The following ZFHX4 variants were observed in gnomAD, a reference collection of about 807,000 sequenced individuals.
ZFHX4 encodes zinc finger homeobox protein 4.
In ZFHX4, 56 loss-of-function variants were observed where a neutral mutation model predicts 267.6. The ratio of observed to expected loss-of-function variants is 0.21; its 90% confidence interval spans 0.17 to 0.26. ZFHX4 has a LOEUF of 0.26. Ranked by LOEUF, ZFHX4 falls within the 10% of genes least tolerant of loss-of-function variation. The pLI is 1.00. For synonymous variants in ZFHX4, 1,778 were observed against 1,665.6 expected, an observed-to-expected ratio of 1.07 and a Z score of -1.64; for missense variants, 4,332 against 4,420.0, an observed-to-expected ratio of 0.98 and a Z score of 0.56.
At chr8:76,700,017 C>T (rs1036779871) in intron 1 of ZFHX4, among the ~76,000 whole-genome samples, 7 of 152,068 alleles carry the variant, frequency 4.6e-5, no homozygotes, top group African/African-American at 1.4e-4. Context: ...TTGTCTTTGC[C>T]TAACTCACTA....
intron 3 of ZFHX4, 24 bp from the exon 4 acceptor site, chr8:76,778,184 T>A: frequency 6.6e-7 from 1 of 1,509,740 alleles, no homozygotes; most frequent in Non-Finnish European, 9.2e-7. Flanking sequence ...ACCATTGTTC[T>A]AATGAGCCTT....
chr8:76,721,044 G>A (rs898494137), intron 3 of ZFHX4, among the ~76,000 whole-genome samples: 2 of 152,114 alleles, frequency 1.3e-5, no homozygotes, highest in African/African-American at 4.8e-5. Flanking sequence ...TGTGGCAGAA[G>A]GGGATGGGAA....
intron 4 of ZFHX4, among the ~76,000 whole-genome samples, chr8:76,801,609 G>A (rs1246189867): frequency 6.6e-6 from 1 of 152,116 alleles, no homozygotes; most frequent in Non-Finnish European, 1.5e-5. Context: ...ATATGGGCCA[G>A]CTTCATTTTC....
chr8:76,688,783 A>C (rs950196820), intron 1 of ZFHX4, among the ~76,000 whole-genome samples: 5 of 152,132 alleles, frequency 3.3e-5, no homozygotes, highest in Admixed American at 2.0e-4. Flanking sequence ...GTTTGAGGTC[A>C]CCACAAATGA....
intron 3 of ZFHX4, among the ~76,000 whole-genome samples, chr8:76,763,873 T>C (rs1014356360): frequency 2.0e-5 from 3 of 152,304 alleles, no homozygotes; most frequent in Admixed American, 6.5e-5. Context: ...GTTTAAAAGT[T>C]ACCATAAGTG....
chr8:76,788,760 G>A (rs376567029), intron 4 of ZFHX4, among the ~76,000 whole-genome samples: 77 of 152,254 alleles, frequency 5.1e-4, no homozygotes, highest in African/African-American at 1.8e-3. Context: ...GTTATAAAGA[G>A]CCAGGTTTTT....
At chr8:76,795,623 C>T (rs10095486) in intron 4 of ZFHX4, among the ~76,000 whole-genome samples, 8,097 of 150,262 alleles carry the variant, frequency 0.054, 442 homozygotes, top group African/African-American at 0.13. Context: ...CTCAGCTCAC[C>T]GCAACCTCTG....
At chr8:76,831,440 G>A (rs1006702432) in intron 4 of ZFHX4, among the ~76,000 whole-genome samples, 20 of 152,164 alleles carry the variant, frequency 1.3e-4, no homozygotes, top group African/African-American at 4.8e-4. Context: ...TGTGTTATCT[G>A]TGGTATAGTT....
intron 1 of ZFHX4, among the ~76,000 whole-genome samples, chr8:76,696,252 T>C (rs574982793): frequency 5.3e-5 from 8 of 152,284 alleles, no homozygotes; most frequent in African/African-American, 1.7e-4. Flanking sequence ...AAACTGTAGA[T>C]TTGAGATAAC....
intron 4 of ZFHX4, among the ~76,000 whole-genome samples, chr8:76,801,852 G>GA: frequency 6.6e-6 from 1 of 151,970 alleles, no homozygotes; most frequent in Non-Finnish European, 1.5e-5. Flanking sequence ...GGCAGTAAAT[G>GA]AAAAACAACT....
In ZFHX4 at chr8:76,856,148, T is replaced by C; in HGVS notation, c.9227T>C (p.Leu3076Ser). 1.2e-6 allele frequency: 2 copies of C among 1,613,960 alleles called. No individual in the cohort carries two copies. Among genetic ancestry groups the C allele is most frequent in the East Asian group, 2.2e-5 (1 of 44,872 alleles). Residue 3076 changes from leucine to serine, a missense_variant, in exon 10 of 11, where the codon TTG (leucine) becomes TCG (serine). Physicochemically the swap from Leu to Ser is moderately radical, Grantham distance 145. This residue lies in a region of ZFHX4 where 1,648 missense variants were observed against 1,625.0 expected (regional missense o/e 1.01). Coordinates refer to ENST00000651372, the MANE Select transcript of ZFHX4 (RefSeq NM_024721.5). The part of the protein sequence containing the change: ...RIKKASDVLG[L>S]TVQQPGMMDS... ...AAGAAAGCTTCAGACGTGCTGGGCT[T>C]GACGGTACAGCAGCCAGGCATGATG...
At chr8:76,808,565 T>C (rs992349600) in intron 4 of ZFHX4, among the ~76,000 whole-genome samples, 2 of 152,152 alleles carry the variant, frequency 1.3e-5, no homozygotes, top group Non-Finnish European at 2.9e-5. Flanking sequence ...TATCGATAAA[T>C]GTACCTTTAT....
intron 6 of ZFHX4, among the ~76,000 whole-genome samples, chr8:76,848,628 A>G (rs566331728): frequency 6.6e-6 from 1 of 152,320 alleles, no homozygotes; most frequent in South Asian, 2.1e-4. Context: ...GAGATAGGTA[A>G]TTAAATGTTA....
chr8:76,771,155 G>T (rs998164599), intron 3 of ZFHX4, among the ~76,000 whole-genome samples: 1 of 152,018 alleles, frequency 6.6e-6, no homozygotes, highest in African/African-American at 2.4e-5. Context: ...TATCAGGTTG[G>T]CATACTCAAA....
chr8:76,806,828 A>T (rs2131837225), intron 4 of ZFHX4, among the ~76,000 whole-genome samples: 1 of 152,216 alleles, frequency 6.6e-6, no homozygotes, highest in East Asian at 1.9e-4. Context: ...ATTCATAAAG[A>T]TGCCTTTTTC....
chr8:76,772,996 G>T (rs1463760009), intron 3 of ZFHX4, among the ~76,000 whole-genome samples: 1 of 152,124 alleles, frequency 6.6e-6, no homozygotes, highest in African/African-American at 2.4e-5. Flanking sequence ...CTCGTTGTAT[G>T]AGGTTATATT....
rs775876877 is a variant in ZFHX4, at chr8:76,853,935, T to C, written c.7014T>C (p.Asp2338=). The change falls in exon 10 of 11, where the codon GAT becomes GAC. Residue 2338 remains aspartate (D), a synonymous_variant. Coordinates refer to ENST00000651372, the MANE Select transcript of ZFHX4 (RefSeq NM_024721.5). The stretch of plus-strand genomic sequence containing the variant: ...ATCAGAAAAAGCAGTGTTACAAGGA[T>C]GAAGATGATGATGCCCAAGATGAAA... ...ITHQKKQCYK[D]EDDDAQDESQ... 6.2e-7 allele frequency: 1 copy of C among 1,613,770 alleles called. No individual in the cohort carries two copies. The highest frequency in any genetic ancestry group is 1.1e-5 in the South Asian group (1 of 91,062).
At chr8:76,719,090 C>T (rs1403988449) in intron 3 of ZFHX4, among the ~76,000 whole-genome samples, 1 of 149,486 alleles carries the variant, frequency 6.7e-6, no homozygotes, top group African/African-American at 2.5e-5. Context: ...TTATATTTTC[C>T]ATATATATCC....
chr8:76,841,196 T>A (rs1812224418), intron 5 of ZFHX4, among the ~76,000 whole-genome samples: 2 of 152,192 alleles, frequency 1.3e-5, no homozygotes, highest in Non-Finnish European at 2.9e-5. Context: ...ATGTCCTTGT[T>A]TTCCCTTTAG....
Sources: allele counts gnomAD v4.1 joint callset (sites outside exome capture counted in the v4.1 genomes callset), GRCh38; gene constraint gnomAD v4.1.1; regional missense constraint gnomAD v4.1.1; transcripts MANE v1.5; gene names NCBI Gene and HGNC (gene_info 2026-07-23, HGNC 2026-07-21).